Variants in RPS6KA5 observed in about 807,000 individuals in gnomAD.
The protein encoded by RPS6KA5 is ribosomal protein S6 kinase A5, also known as ribosomal protein S6 kinase alpha-5.
In RPS6KA5, 27 loss-of-function variants were observed where a neutral mutation model predicts 85.5. That is an observed-to-expected ratio of 0.32 (90% CI 0.23 to 0.44). RPS6KA5 has a LOEUF of 0.44. RPS6KA5 is among the 20% of genes least tolerant of loss of function. RPS6KA5 has a pLI of 1.00. For synonymous variants in RPS6KA5, 334 were observed against 348.2 expected, an observed-to-expected ratio of 0.96 and a Z score of 0.46; for missense variants, 811 against 980.9, an observed-to-expected ratio of 0.83 and a Z score of 2.31.
At position 90,993,956 on chromosome 14, in the gene RPS6KA5, A is replaced by G. The variant is rs138373176; in HGVS notation, c.175+7132T>C. Among the ~76,000 whole-genome samples, 1,396 of 151,174 alleles carry G rather than the reference A, an allele frequency of 9.2e-3. 11 individuals are homozygous for G. The highest frequency in any genetic ancestry group is 0.038 in the Middle Eastern group (11 of 292). On this transcript the variant is annotated intron_variant, in intron 2 of 16. Transcript: ENST00000614987. ...CAGGCTGGAGTGTAGTGATGTGATCATAACTCACCGTGGCCTTAACCTCCC... is the reference window on the plus strand; with the variant it reads ...CAGGCTGGAGTGTAGTGATGTGATCGTAACTCACCGTGGCCTTAACCTCCC...
chr14:91,003,867 T>C (rs148003105), intron 1 of RPS6KA5, among the ~76,000 whole-genome samples: 2 of 152,338 alleles, frequency 1.3e-5, no homozygotes, highest in African/African-American at 4.8e-5. Flanking sequence ...TGATAGAGTT[T>C]AGATTTCTTG....
Position 90,900,256 on chromosome 14 carries a change from A to C in RPS6KA5, c.1246-15T>G, listed in dbSNP as rs1193636837. 6.6e-7 allele frequency: 1 copy of C among 1,526,616 alleles called. No individual in the cohort carries two copies. Among genetic ancestry groups the C allele is most frequent in the Non-Finnish European group, 8.8e-7 (1 of 1,137,566 alleles). 94.6% of individuals were successfully genotyped at this position (1,526,616 alleles called of 1,614,324 possible). A position where few individuals can be genotyped will look rare whatever the true frequency, so the allele number is the denominator to read the frequency against. ...AATGGAGAGTCCTGTCAAGAAATCAACATCATTTAACTTCAGAAAATGTCA... is the reference window on the plus strand; with the variant it reads ...AATGGAGAGTCCTGTCAAGAAATCACCATCATTTAACTTCAGAAAATGTCA... On this transcript the variant is annotated splice_polypyrimidine_tract_variant and intron_variant, in intron 10 of 16. Transcript: ENST00000614987.
chr14:90,904,116 A>AT (rs1333988724), intron 8 of RPS6KA5, among the ~76,000 whole-genome samples: 7 of 152,004 alleles, frequency 4.6e-5, no homozygotes, highest in African/African-American at 1.4e-4. Context: ...TGCCCGGCTA[A>AT]TTTTTTGTAT....
intron 3 of RPS6KA5, among the ~76,000 whole-genome samples, chr14:90,956,403 A>C (rs977356995): frequency 1.3e-5 from 2 of 151,906 alleles, no homozygotes; most frequent in African/African-American, 4.8e-5. Context: ...TTTCCCTTTA[A>C]TCTATTTGTA....
intron 1 of RPS6KA5, among the ~76,000 whole-genome samples, chr14:91,030,200 G>A (rs1474291441): frequency 6.6e-6 from 1 of 152,148 alleles, no homozygotes; most frequent in Non-Finnish European, 1.5e-5. Context: ...ACGGATTTAA[G>A]GAGTTTTATT....
intron 1 of RPS6KA5, among the ~76,000 whole-genome samples, chr14:91,056,505 A>T (rs917940151): frequency 5.3e-5 from 8 of 152,178 alleles, no homozygotes; most frequent in African/African-American, 1.9e-4. Flanking sequence ...CCCATGTGGG[A>T]AAAGTGGCAC....
intron 16 of RPS6KA5, among the ~76,000 whole-genome samples, chr14:90,872,742 T>C (rs1328349940): frequency 2.0e-5 from 3 of 152,198 alleles, no homozygotes; most frequent in Non-Finnish European, 4.4e-5. Flanking sequence ...TCTGAGTCTT[T>C]GCTCTTCAGT....
intron 3 of RPS6KA5, among the ~76,000 whole-genome samples, chr14:90,969,503 T>C (rs187463135): frequency 1.3e-5 from 2 of 152,354 alleles, no homozygotes; most frequent in African/African-American, 4.8e-5. Context: ...CCATTTTCCA[T>C]TTAAGATGCA....
chr14:91,041,886 T>C (rs995365613), intron 1 of RPS6KA5, among the ~76,000 whole-genome samples: 1 of 152,222 alleles, frequency 6.6e-6, no homozygotes, highest in African/African-American at 2.4e-5. Context: ...ATTGAGCCAG[T>C]ATGAAAGCTG....
intron 3 of RPS6KA5, among the ~76,000 whole-genome samples, chr14:90,973,018 C>G (rs1384201019): frequency 6.6e-6 from 1 of 152,226 alleles, no homozygotes; most frequent in Admixed American, 6.5e-5. Context: ...CACTACTACT[C>G]ACCTATGAGA....
At chr14:90,942,162 A>C (rs2037606340) in intron 5 of RPS6KA5, among the ~76,000 whole-genome samples, 1 of 152,162 alleles carries the variant, frequency 6.6e-6, no homozygotes, top group South Asian at 2.1e-4. Flanking sequence ...GCGATTAAAA[A>C]ATTAGGATCT....
At position 90,858,150 on chromosome 14, in the gene RPS6KA5, A is replaced by G. The variant is rs998002365; in HGVS notation, c.*13924T>C. On this transcript the variant is annotated 3_prime_UTR_variant, in exon 17 of 17. Transcript: ENST00000614987. ...TTTCCGGTTTAGAAAAAAAAAGTAC[A>G]GCTCACTGCCAGCATTCATTTAATT... 2 of 152,242 alleles carry G rather than the reference A, an allele frequency of 1.3e-5. No individual in the cohort carries two copies. Among genetic ancestry groups the G allele is most frequent in the Non-Finnish European group, 2.9e-5 (2 of 68,042 alleles). 9.4% of individuals were successfully genotyped at this position (152,242 alleles called of 1,614,324 possible).
chr14:90,969,185 A>G (rs1183547192), intron 3 of RPS6KA5, among the ~76,000 whole-genome samples: 1 of 152,204 alleles, frequency 6.6e-6, no homozygotes, highest in Non-Finnish European at 1.5e-5. Context: ...TGAACTGAAG[A>G]TCTCTACAAA....
chr14:90,982,302 TAAAC>T lies in RPS6KA5; in HGVS notation c.176-3782_176-3779del, dbSNP rs746724546. ...TCCTTTGGCAAAAAAAAAAAAAAGA[TAAAC>T]AAAATAGGGACTGGGTTCAGTGGCT... On this transcript the variant is annotated intron_variant, in intron 2 of 16. Coordinates refer to ENST00000614987, the MANE Select transcript of RPS6KA5 (RefSeq NM_004755.4). 5.6e-4 allele frequency among the ~76,000 whole-genome samples: 83 copies of T among 148,634 alleles called. 1 individual carries two copies. The highest frequency in any genetic ancestry group is 6.4e-4 in the South Asian group (3 of 4,686).
chr14:90,980,205 T>C (rs2039733727), intron 2 of RPS6KA5, among the ~76,000 whole-genome samples: 1 of 152,228 alleles, frequency 6.6e-6, no homozygotes, highest in Admixed American at 6.5e-5. Context: ...GAAAATATTA[T>C]GCACTACACC....
At chr14:91,012,922 C>G (rs888373407) in intron 1 of RPS6KA5, among the ~76,000 whole-genome samples, 1 of 152,134 alleles carries the variant, frequency 6.6e-6, no homozygotes, top group Non-Finnish European at 1.5e-5. Flanking sequence ...TATCCCTGAC[C>G]TTACATCACT....
At position 90,900,115 on chromosome 14, in the gene RPS6KA5, T is replaced by G; in HGVS notation, c.1372A>C (p.Ser458Arg). 1 of 1,597,440 alleles carries G rather than the reference T, an allele frequency of 6.3e-7. No individual in the cohort carries two copies. Among genetic ancestry groups the G allele is most frequent in the African/African-American group, 1.3e-5 (1 of 74,578 alleles). ...SNQAFAVKIISKRMEANTQKE... is the reference protein window; with the variant it reads ...SNQAFAVKIIRKRMEANTQKE... The stretch of plus-strand genomic sequence containing the variant: ...TATTAAAAATGGTCATACCTTTTGC[T>G]GATTATTTTGACTGCAAAAGCTTGG... The change falls in exon 11 of 17, where the codon AGC becomes CGC. Residue 458 changes from serine to arginine, a missense_variant. Around this residue, in one of 3 missense-constraint regions of RPS6KA5, gnomAD observed 650 missense variants for 793.4 expected, o/e 0.82. Transcript: ENST00000614987.
intron 3 of RPS6KA5, among the ~76,000 whole-genome samples, chr14:90,958,056 C>A (rs1447708989): frequency 6.6e-6 from 1 of 152,122 alleles, no homozygotes; most frequent in Non-Finnish European, 1.5e-5. Context: ...AGGAGGATCG[C>A]TTGAGCCCAG....
Position 91,057,127 on chromosome 14 carries a change from C to T in RPS6KA5, c.103+3205G>A, listed in dbSNP as rs138331435. Among the ~76,000 whole-genome samples, 31 of 151,944 alleles carry T rather than the reference C, an allele frequency of 2.0e-4. 1 individual carries two copies. In the Middle Eastern group the frequency reaches 0.014, roughly 67 times the overall value. ...ATCTCTTGACCTCGTGATCCACCCG[C>T]CTCAGCCTCCCAAGGCAGTATTATC... On this transcript the variant is annotated intron_variant, in intron 1 of 16. Coordinates refer to ENST00000614987, the MANE Select transcript of RPS6KA5 (RefSeq NM_004755.4).
Sources: gnomAD v4.1 joint callset for allele counts (sites outside exome capture counted in the v4.1 genomes callset) on GRCh38, gnomAD v4.1.1 for gene constraint, gnomAD v4.1.1 regional missense constraint, MANE v1.5 for transcripts, NCBI Gene and HGNC (gene_info 2026-07-23, HGNC 2026-07-21) for gene names.